Variants in CRACR2A observed in about 807,000 individuals in gnomAD.
CRACR2A encodes the protein EF-hand calcium-binding domain-containing protein 4B.
Under a neutral mutation model 90.5 loss-of-function variants are expected in CRACR2A, and 79 were observed. That is an observed-to-expected ratio of 0.87 (90% confidence interval 0.73 to 1.05). CRACR2A has a LOEUF of 1.05. Ranked by LOEUF, CRACR2A falls within the 50% of genes least tolerant of loss-of-function variation. The pLI, the probability that CRACR2A is intolerant of heterozygous loss-of-function variation, is 0.00. For synonymous variants in CRACR2A, 338 were observed against 356.7 expected, an observed-to-expected ratio of 0.95 and a Z score of 0.59; for missense variants, 823 against 897.2, an observed-to-expected ratio of 0.92 and a Z score of 1.06.
intron 14 of CRACR2A, among the ~76,000 whole-genome samples, chr12:3,637,380 G>A (rs1258934866): frequency 1.3e-5 from 2 of 152,156 alleles, no homozygotes; most frequent in Admixed American, 1.3e-4. Context: ...AATCTGAATC[G>A]GAAGAGAGAG....
rs1306021468 is a variant in CRACR2A, at chr12:3,655,205, T to A, written c.859-806A>T. On this transcript the variant is annotated intron_variant, in intron 9 of 19. Transcript: ENST00000440314. ...AGGCTCCTGTGTAATCAGGCAAGCATGCAGTAATTAAATCGAGTGGCAATC... is the reference window on the plus strand; with the variant it reads ...AGGCTCCTGTGTAATCAGGCAAGCAAGCAGTAATTAAATCGAGTGGCAATC... Among the ~76,000 whole-genome samples, 4 of 152,334 alleles carry A rather than the reference T, an allele frequency of 2.6e-5. No individual in the cohort carries two copies. The East Asian group carries it at 7.7e-4, about 29-fold the overall frequency.
chr12:3,726,573 A>G (rs2137833682), intron 2 of CRACR2A: 1 of 152,290 alleles, frequency 6.6e-6, no homozygotes, highest in Non-Finnish European at 1.5e-5. Flanking sequence ...TCCTGGCCGT[A>G]TATGATAACA....
At chr12:3,710,095 G>A (rs1945985765) in intron 3 of CRACR2A, among the ~76,000 whole-genome samples, 1 of 152,172 alleles carries the variant, frequency 6.6e-6, no homozygotes, top group East Asian at 1.9e-4. Flanking sequence ...ATGCAGACCT[G>A]ATCATGCCTC....
intron 10 of CRACR2A, among the ~76,000 whole-genome samples, chr12:3,651,557 TTC>T (rs1276183132): frequency 1.3e-5 from 2 of 152,332 alleles, no homozygotes; most frequent in East Asian, 3.9e-4. Flanking sequence ...TGCTTGATAG[TTC>T]TTTCTTTATC....
chr12:3,686,539 C>A (rs1945556425), intron 4 of CRACR2A, among the ~76,000 whole-genome samples: 3 of 152,144 alleles, frequency 2.0e-5, no homozygotes, highest in Admixed American at 1.3e-4. Flanking sequence ...GCTTTTGAGG[C>A]TCTAGGTTTT....
intron 12 of CRACR2A, 147 bp downstream of exon 12, chr12:3,644,448 A>C: frequency 1.2e-6 from 1 of 818,394 alleles, no homozygotes; most frequent in Non-Finnish European, 2.0e-6. Context: ...CTGAATTTTT[A>C]TTATTTGCAA....
chr12:3,664,090 G>A (rs1365956344), intron 7 of CRACR2A, among the ~76,000 whole-genome samples: 2 of 152,232 alleles, frequency 1.3e-5, no homozygotes, highest in Non-Finnish European at 2.9e-5. Context: ...CAATCAGGAT[G>A]TAGGCTAAAT....
intron 1 of CRACR2A, among the ~76,000 whole-genome samples, chr12:3,742,003 A>G (rs1946533884): frequency 6.6e-6 from 1 of 152,190 alleles, no homozygotes; most frequent in African/African-American, 2.4e-5. Context: ...AGCACCTCTG[A>G]GACAGCCCAG....
At chr12:3,617,174 T>C in intron 18 of CRACR2A, 144 bp from the exon 19 acceptor site, 1 of 654,114 alleles carries the variant, frequency 1.5e-6, no homozygotes, top group South Asian at 1.8e-5. Context: ...CCTTCCCCAC[T>C]CTGTACATGG....
intron 2 of CRACR2A, among the ~76,000 whole-genome samples, chr12:3,715,978 CT>C (rs1379346632): frequency 1.3e-5 from 2 of 151,972 alleles, no homozygotes. Flanking sequence ...CCAAACCTCT[CT>C]TGAAATTGCC....
At chr12:3,617,085 G>A in intron 18 of CRACR2A, 55 bp from the exon 19 acceptor site, 1 of 1,378,956 alleles carries the variant, frequency 7.3e-7, no homozygotes, top group Non-Finnish European at 1.0e-6. Flanking sequence ...GGGGATTGTG[G>A]GGGGTGGTGG....
intron 2 of CRACR2A, chr12:3,726,797 C>A (rs560726265): frequency 7.3e-5 from 11 of 151,316 alleles, no homozygotes; most frequent in African/African-American, 2.4e-4. Flanking sequence ...AAATCCCACC[C>A]ACTGTGTTGA....
At chr12:3,681,795 T>G (rs1223814822) in intron 4 of CRACR2A, among the ~76,000 whole-genome samples, 1 of 152,210 alleles carries the variant, frequency 6.6e-6, no homozygotes, top group African/African-American at 2.4e-5. Context: ...CCTATGGCAG[T>G]TCTAGCTGAT....
intron 10 of CRACR2A, among the ~76,000 whole-genome samples, chr12:3,650,890 T>C (rs1292226127): frequency 3.3e-5 from 5 of 152,244 alleles, no homozygotes. Context: ...CTAGTAAACA[T>C]ATATCTGCTT....
At position 3,633,074 on chromosome 12, in the gene CRACR2A, C is replaced by T. The variant is rs771919528; in HGVS notation, c.1735+530G>A. Among the ~76,000 whole-genome samples the T allele has an allele frequency of 6.6e-6, 1 of 152,150 alleles. No homozygotes were observed. Among genetic ancestry groups the T allele is most frequent in the Non-Finnish European group, 1.5e-5 (1 of 68,032 alleles). On this transcript the variant is annotated intron_variant, in intron 15 of 19. Transcript: ENST00000440314. This position sits in a 1 kb window ranked among gnomAD's most constrained non-coding sequence, Gnocchi z 4.5. Reference sequence around the variant, plus strand: ...CCTAATGAGCTTCCACATTTAAGTCCAGCTGTCGCCCAGCAGGCTGGGGAC... The same window carrying T: ...CCTAATGAGCTTCCACATTTAAGTCTAGCTGTCGCCCAGCAGGCTGGGGAC...
intron 1 of CRACR2A, among the ~76,000 whole-genome samples, chr12:3,747,176 G>A (rs1172814678): frequency 6.6e-6 from 1 of 152,172 alleles, no homozygotes; most frequent in South Asian, 2.1e-4. Flanking sequence ...TCCCAGCTCG[G>A]CCTCTTATCA....
intron 15 of CRACR2A, among the ~76,000 whole-genome samples, chr12:3,628,994 C>T (rs17697662): frequency 0.24 from 36,561 of 151,966 alleles, 4,972 homozygotes; most frequent in South Asian, 0.37. Flanking sequence ...CAGATGAGGG[C>T]CAGAGAGGAG....
intron 8 of CRACR2A, among the ~76,000 whole-genome samples, chr12:3,659,271 C>A (rs1438098958): frequency 6.6e-6 from 1 of 152,128 alleles, no homozygotes; most frequent in Admixed American, 6.5e-5. Context: ...TTGTTGAGCA[C>A]CTAGTATGTT....
At chr12:3,694,350 A>T (rs1252739695) in intron 4 of CRACR2A, among the ~76,000 whole-genome samples, 2 of 152,184 alleles carry the variant, frequency 1.3e-5, no homozygotes, top group African/African-American at 4.8e-5. Context: ...CATGGCCTGC[A>T]GCCTCTCCTT....
Sources: gnomAD v4.1 joint callset for allele counts (sites outside exome capture counted in the v4.1 genomes callset) on GRCh38, gnomAD v4.1.1 for gene constraint, Gnocchi (gnomAD v3.1) non-coding constraint, MANE v1.5 for transcripts, NCBI Gene and HGNC (gene_info 2026-07-23, HGNC 2026-07-21) for gene names.